FHIT: variants seen among roughly 807,000 people sequenced by gnomAD.
The protein encoded by FHIT is bis(5'-adenosyl)-triphosphatase.
FHIT carries 19 observed loss-of-function variants against 17.9 expected under a neutral mutation model. The ratio of observed to expected loss-of-function variants is 1.06; its 90% CI spans 0.74 to 1.56. FHIT has a LOEUF of 1.56. Ranked by LOEUF, FHIT falls within the 40% of genes most tolerant of loss-of-function variation. The probability of loss-of-function intolerance (pLI) is 0.00; values close to 1 mark genes in which losing one functional copy is unlikely to be tolerated. For missense variants in FHIT, 248 were observed against 189.2 expected, an observed-to-expected ratio of 1.31 and a Z score of -1.82; for synonymous variants, 81 against 69.7, an observed-to-expected ratio of 1.16 and a Z score of -0.81.
At position 60,500,923 on chromosome 3, in the gene FHIT, G is replaced by A. The variant is rs555746853; in HGVS notation, c.103+35937C>T. Among the ~76,000 whole-genome samples the A allele has an allele frequency of 2.0e-3, 303 of 152,110 alleles. 3 individuals are homozygous for A. The highest frequency in any genetic ancestry group is 6.8e-3 in the Middle Eastern group (2 of 292). On this transcript the variant is annotated intron_variant, in intron 5 of 9. Transcript: ENST00000492590. ...CTTTTTGGAAGAAAACATTATATCCGGTGGCTAACACAGGGCTTGGCACAT... is the reference window on the plus strand; with the variant it reads ...CTTTTTGGAAGAAAACATTATATCCAGTGGCTAACACAGGGCTTGGCACAT...
chr3:60,072,380 C>T (rs76249231), intron 5 of FHIT, among the ~76,000 whole-genome samples: 4,907 of 152,182 alleles, frequency 0.032, 114 homozygotes, highest in South Asian at 0.077. Context: ...TTCTCTAAAC[C>T]TTGTGGCCCA....
intron 5 of FHIT, among the ~76,000 whole-genome samples, chr3:60,214,451 T>C (rs1703604522): frequency 6.6e-6 from 1 of 152,186 alleles, no homozygotes; most frequent in Non-Finnish European, 1.5e-5. Context: ...ATTTAGGCCG[T>C]GCTTATCAGA....
intron 5 of FHIT, among the ~76,000 whole-genome samples, chr3:60,075,539 T>C (rs1251021845): frequency 1.3e-5 from 2 of 152,128 alleles, no homozygotes; most frequent in African/African-American, 2.4e-5. Flanking sequence ...CAAATGAGTT[T>C]GGAAATCAGT....
rs1005065829 is a variant in FHIT, at chr3:60,097,026, A to T, written c.104-82874T>A. Among the ~76,000 whole-genome samples the T allele has an allele frequency of 1.4e-3, 119 of 83,288 alleles. 1 individual carries two copies. Among genetic ancestry groups the T allele is most frequent in the Admixed American group, 1.6e-3 (16 of 9,834 alleles). The allele number at this position is 83,288 out of a possible 152,430, so 54.6% of individuals were successfully genotyped here. A position where few individuals can be genotyped will look rare whatever the true frequency, so the allele number is the denominator to read the frequency against. ...TGAGACCCTATCTCTGTTATTATTA[A>T]AAAAAAAAAAAAAAAGGAATAGAAG... is the stretch of plus-strand genomic sequence containing the variant. On this transcript the variant is annotated intron_variant, in intron 5 of 9. Transcript: ENST00000492590.
At chr3:60,712,867 A>G (rs540052229) in intron 4 of FHIT, among the ~76,000 whole-genome samples, 50 of 145,906 alleles carry the variant, frequency 3.4e-4, no homozygotes, top group Non-Finnish European at 6.4e-4. Context: ...AGACAGATCA[A>G]CGAGACAGAA....
chr3:61,058,353 T>A (rs1181961339), intron 2 of FHIT, among the ~76,000 whole-genome samples: 2 of 152,204 alleles, frequency 1.3e-5, no homozygotes, highest in African/African-American at 4.8e-5. Context: ...GTCGGTAAGA[T>A]AACATCATTC....
intron 5 of FHIT, among the ~76,000 whole-genome samples, chr3:60,174,569 C>T (rs1298391111): frequency 6.6e-6 from 1 of 150,850 alleles, no homozygotes; most frequent in Non-Finnish European, 1.5e-5. Context: ...TATAATTTGG[C>T]CAAAATCACA....
intron 8 of FHIT, among the ~76,000 whole-genome samples, chr3:59,856,563 G>A (rs1702165929): frequency 6.6e-6 from 1 of 152,186 alleles, no homozygotes; most frequent in African/African-American, 2.4e-5. Flanking sequence ...ATTCTTCTTA[G>A]TAGTATACTC....
intron 4 of FHIT, among the ~76,000 whole-genome samples, chr3:60,778,682 T>C (rs1033444103): frequency 6.6e-6 from 1 of 151,422 alleles, no homozygotes; most frequent in Non-Finnish European, 1.5e-5. Context: ...AAACTATCTG[T>C]GAATATTGTT....
intron 7 of FHIT, among the ~76,000 whole-genome samples, chr3:59,977,219 C>T (rs934374380): frequency 2.0e-5 from 3 of 152,120 alleles, no homozygotes; most frequent in East Asian, 1.9e-4. Context: ...CAATATCATA[C>T]ATCTGCTGAT....
At chr3:60,734,485 C>T (rs2042095714) in intron 4 of FHIT, among the ~76,000 whole-genome samples, 1 of 152,152 alleles carries the variant, frequency 6.6e-6, no homozygotes, top group African/African-American at 2.4e-5. Flanking sequence ...TTACTGCAAC[C>T]TTTGCCACCC....
chr3:60,095,715 A>T (rs940110544), intron 5 of FHIT, among the ~76,000 whole-genome samples: 1 of 152,216 alleles, frequency 6.6e-6, no homozygotes, highest in African/African-American at 2.4e-5. Context: ...ATCAAACATA[A>T]ATCAGATCTC....
At chr3:59,777,410 C>G (rs191503360) in intron 8 of FHIT, among the ~76,000 whole-genome samples, 2 of 152,220 alleles carry the variant, frequency 1.3e-5, no homozygotes, top group East Asian at 3.9e-4. Flanking sequence ...AACTCTCCTA[C>G]CCTACTTCAG....
At chr3:60,010,057 C>T (rs1700081483) in intron 7 of FHIT, among the ~76,000 whole-genome samples, 1 of 152,118 alleles carries the variant, frequency 6.6e-6, no homozygotes, top group African/African-American at 2.4e-5. Context: ...TGAAGGAATT[C>T]CATCAAATAG....
intron 5 of FHIT, among the ~76,000 whole-genome samples, chr3:60,321,128 A>G (rs746830756): frequency 8.5e-5 from 13 of 152,174 alleles, no homozygotes; most frequent in Non-Finnish European, 1.6e-4. Flanking sequence ...AACAGTTATA[A>G]TAATATTTAC....
chr3:61,010,169 T>C (rs986218464), intron 3 of FHIT, among the ~76,000 whole-genome samples: 5 of 152,092 alleles, frequency 3.3e-5, no homozygotes, highest in Non-Finnish European at 7.4e-5. Flanking sequence ...ATAAATATAC[T>C]TGATGACAAA....
intron 2 of FHIT, among the ~76,000 whole-genome samples, chr3:61,147,580 T>C (rs2037261597): frequency 6.6e-6 from 1 of 151,998 alleles, no homozygotes; most frequent in Non-Finnish European, 1.5e-5. Flanking sequence ...TTTCCCAGTA[T>C]TGAGACCTTC....
chr3:59,960,360 T>G (rs1707612709), intron 7 of FHIT, among the ~76,000 whole-genome samples: 1 of 152,128 alleles, frequency 6.6e-6, no homozygotes, highest in Non-Finnish European at 1.5e-5. Context: ...TAAATTGGAT[T>G]TGGGAAGATG....
intron 5 of FHIT, among the ~76,000 whole-genome samples, chr3:60,286,076 G>T (rs1212080336): frequency 1.3e-5 from 2 of 152,094 alleles, no homozygotes; most frequent in African/African-American, 4.8e-5. Flanking sequence ...CATGCATGAG[G>T]TGAATGCTAT....
Sources: allele counts gnomAD v4.1 joint callset (sites outside exome capture counted in the v4.1 genomes callset), GRCh38; gene constraint gnomAD v4.1.1; transcripts MANE v1.5; gene names NCBI Gene and HGNC (gene_info 2026-07-23, HGNC 2026-07-21).